TP63: variants seen among roughly 807,000 people sequenced by gnomAD.
TP63 encodes tumor protein 63.
Under a neutral mutation model 82.8 loss-of-function variants are expected in TP63, and 17 were observed. The observed-to-expected ratio is 0.21, with a 90% CI of 0.14 to 0.31. The LOEUF (loss-of-function observed/expected upper bound fraction) is 0.31. Ranked by LOEUF, TP63 falls within the 10% of genes least tolerant of loss-of-function variation. The pLI is 1.00. For synonymous variants in TP63, 330 were observed against 321.7 expected (o/e 1.03, Z -0.28); for missense variants, 648 against 895.3 (o/e 0.72, Z 3.52).
chr3:189,603,844 CT>C, the TP63 span, among the ~76,000 whole-genome samples: 2 of 151,662 alleles, frequency 1.3e-5, no homozygotes, highest in African/African-American at 4.8e-5. Context: ...AAATGTTTGC[CT>C]TTTCATGTTT....
At chr3:189,776,972 A>G (rs921436466) in intron 3 of TP63, among the ~76,000 whole-genome samples, 1 of 152,208 alleles carries the variant, frequency 6.6e-6, no homozygotes, top group Admixed American at 6.5e-5. Context: ...TTGAAATATC[A>G]AGTCATAGGA....
intron 1 of TP63, among the ~76,000 whole-genome samples, chr3:189,677,045 T>C (rs1715465554): frequency 6.7e-6 from 1 of 150,304 alleles, no homozygotes; most frequent in Non-Finnish European, 1.5e-5. Flanking sequence ...GTACAGGGTA[T>C]TTAGCTCCCA....
chr3:189,701,528 T>TATAC (rs1485048933), intron 1 of TP63, among the ~76,000 whole-genome samples: 3 of 133,392 alleles, frequency 2.2e-5, no homozygotes, highest in African/African-American at 1.1e-4. Context: ...TATACATATA[T>TATAC]ATATATATAT....
At chr3:189,668,975 A>G (rs1036451088) in intron 1 of TP63, among the ~76,000 whole-genome samples, 2 of 152,064 alleles carry the variant, frequency 1.3e-5, no homozygotes, top group Admixed American at 6.6e-5. Flanking sequence ...AGTCACACCT[A>G]GGCATATCAT....
In TP63 at chr3:189,704,423, T is replaced by C. The variant is rs1363802971; in HGVS notation, c.63-33317T>C. 2.6e-5 allele frequency among the ~76,000 whole-genome samples: 4 copies of C among 152,248 alleles called. No homozygotes were observed. The East Asian group carries it at 7.7e-4, about 29-fold the overall frequency. On this transcript the variant is annotated intron_variant, in intron 1 of 13. Transcript: ENST00000264731. ...TAGACAGCCCACCATTTAAATAATA[T>C]CTACCTATTGTTCAGATTTCACTTT...
intron 1 of TP63, among the ~76,000 whole-genome samples, chr3:189,712,018 C>T (rs942566884): frequency 6.6e-6 from 1 of 152,072 alleles, no homozygotes; most frequent in African/African-American, 2.4e-5. Flanking sequence ...AGGCAGGACT[C>T]GAGTCAACTT....
At chr3:189,705,772 T>C (rs375376108) in intron 1 of TP63, among the ~76,000 whole-genome samples, 1 of 152,190 alleles carries the variant, frequency 6.6e-6, no homozygotes, top group South Asian at 2.1e-4. Context: ...GTGTTTAAGA[T>C]TTTTTGTATG....
intron 1 of TP63, among the ~76,000 whole-genome samples, chr3:189,644,505 A>G (rs1004487269): frequency 1.3e-5 from 2 of 152,186 alleles, no homozygotes; most frequent in Non-Finnish European, 2.9e-5. Context: ...CATCAGTCCT[A>G]CTAAATGAGA....
At chr3:189,820,051 ATTTTAC>A (rs1396103858) in intron 4 of TP63, among the ~76,000 whole-genome samples, 1 of 152,126 alleles carries the variant, frequency 6.6e-6, no homozygotes, top group East Asian at 1.9e-4. Flanking sequence ...GCCCAGCCCT[ATTTTAC>A]TTTTATCTAT....
At chr3:189,815,035 C>CT (rs1445780255) in intron 4 of TP63, among the ~76,000 whole-genome samples, 1 of 152,038 alleles carries the variant, frequency 6.6e-6, no homozygotes, top group Non-Finnish European at 1.5e-5. Flanking sequence ...CTGCTTTTCC[C>CT]TTTTCTTCTT....
chr3:189,690,656 G>A (rs1432173895), intron 1 of TP63, among the ~76,000 whole-genome samples: 2 of 152,112 alleles, frequency 1.3e-5, no homozygotes, highest in African/African-American at 4.8e-5. Context: ...CCAAACCCCG[G>A]TAGAATAAGG....
chr3:189,766,414 CA>C (rs1391986103), intron 3 of TP63, among the ~76,000 whole-genome samples: 2 of 147,718 alleles, frequency 1.4e-5, no homozygotes, highest in Non-Finnish European at 3.0e-5. Flanking sequence ...ACTTCCTAAT[CA>C]GGTTTTTTTT....
chr3:189,681,784 C>T (rs1052788479), intron 1 of TP63, among the ~76,000 whole-genome samples: 4 of 152,122 alleles, frequency 2.6e-5, no homozygotes, highest in Non-Finnish European at 5.9e-5. Flanking sequence ...GTTCTCTCCT[C>T]AGGTCCCTCC....
chr3:189,670,968 C>T (rs1028085726), intron 1 of TP63, among the ~76,000 whole-genome samples: 1 of 151,958 alleles, frequency 6.6e-6, no homozygotes, highest in African/African-American at 2.4e-5. Context: ...GGACATTGGT[C>T]TAGGCAAAGA....
At chr3:189,683,420 A>G (rs769113972) in intron 1 of TP63, among the ~76,000 whole-genome samples, 1 of 152,194 alleles carries the variant, frequency 6.6e-6, no homozygotes, top group Non-Finnish European at 1.5e-5. Flanking sequence ...AGCTCCTACC[A>G]TCTACATAAT....
intron 7 of TP63, 56 bp from the exon 8 acceptor site, chr3:189,868,524 G>A: frequency 6.2e-7 from 1 of 1,605,658 alleles, no homozygotes. Context: ...GATCTTCAGG[G>A]GACTTTCAAA....
chr3:189,705,498 A>T (rs78390975), intron 1 of TP63, among the ~76,000 whole-genome samples: 2,253 of 149,232 alleles, frequency 0.015, 51 homozygotes, highest in African/African-American at 0.054. Flanking sequence ...ATGATTATTT[A>T]GCCTGTGGTT....
At chr3:189,759,107 G>T (rs1722387007) in intron 3 of TP63, among the ~76,000 whole-genome samples, 1 of 152,212 alleles carries the variant, frequency 6.6e-6, no homozygotes, top group African/African-American at 2.4e-5. Flanking sequence ...TGATAATGAA[G>T]TCAGAGCTGA....
intron 3 of TP63, among the ~76,000 whole-genome samples, chr3:189,765,432 G>GTTTTTTTTTTTTTTTTTTTT (rs1560167431): frequency 3.2e-4 from 2 of 6,184 alleles, no homozygotes; most frequent in Admixed American, 1.8e-3. Context: ...CCTGTCCTCT[G>GTTTTTTTTTTTTTTTTTTTT]CTTTTTTTTT....
Sources: allele counts gnomAD v4.1 joint callset (sites outside exome capture counted in the v4.1 genomes callset), GRCh38; gene constraint gnomAD v4.1.1; transcripts MANE v1.5; gene names NCBI Gene and HGNC (gene_info 2026-07-23, HGNC 2026-07-21).